NDST4: variants seen among roughly 807,000 people sequenced by gnomAD.
NDST4 encodes the protein N-heparan sulfate sulfotransferase 4.
NDST4 carries 63 observed loss-of-function variants against 100.8 expected under a neutral mutation model. The ratio of observed to expected loss-of-function variants is 0.62; its 90% confidence interval spans 0.51 to 0.77. The LOEUF is 0.77. Among genes scored for constraint, NDST4 ranks in the 30% least tolerant of loss-of-function variants. NDST4 has a pLI of 0.00. For synonymous variants in NDST4, 377 were observed against 361.8 expected (o/e 1.04, Z -0.48); for missense variants, 943 against 1,018.4 (o/e 0.93, Z 1.01).
chr4:114,928,259 T>G (rs1347342524), intron 6 of NDST4, among the ~76,000 whole-genome samples: 1 of 152,214 alleles, frequency 6.6e-6, no homozygotes, highest in South Asian at 2.1e-4. Context: ...TTCTGGTTAC[T>G]TCTTTCCTCA....
intron 6 of NDST4, among the ~76,000 whole-genome samples, chr4:114,917,031 A>G (rs922038797): frequency 1.3e-5 from 2 of 152,146 alleles, no homozygotes; most frequent in African/African-American, 2.4e-5. Flanking sequence ...AGTTGTTTCC[A>G]GGACTCCTTG....
intron 2 of NDST4, among the ~76,000 whole-genome samples, chr4:115,045,401 T>G (rs1431712802): frequency 6.6e-6 from 1 of 152,226 alleles, no homozygotes; most frequent in Non-Finnish European, 1.5e-5. Flanking sequence ...CTCCCATCCC[T>G]GCTCATTAGA....
At chr4:115,047,997 A>G (rs1728501244) in intron 2 of NDST4, among the ~76,000 whole-genome samples, 2 of 152,134 alleles carry the variant, frequency 1.3e-5, no homozygotes, top group South Asian at 2.1e-4. Flanking sequence ...TCGTTATTTG[A>G]TAAGTATGGA....
chr4:115,029,728 C>G (rs28488142), intron 2 of NDST4, among the ~76,000 whole-genome samples: 6,812 of 152,060 alleles, frequency 0.045, 537 homozygotes, highest in African/African-American at 0.16. Context: ...TTTGGAGGCA[C>G]AGTAAAGCAG....
chr4:115,047,489 T>A (rs964606094), intron 2 of NDST4, among the ~76,000 whole-genome samples: 9 of 152,164 alleles, frequency 5.9e-5, no homozygotes, highest in Admixed American at 5.9e-4. Flanking sequence ...TATATATTTA[T>A]CTTTTTATAA....
At chr4:114,960,701 A>T (rs1028181342) in intron 4 of NDST4, among the ~76,000 whole-genome samples, 1 of 152,222 alleles carries the variant, frequency 6.6e-6, no homozygotes. Flanking sequence ...TGCTATGACT[A>T]TAACAAGTGT....
chr4:114,867,398 C>T (rs1214038629), intron 7 of NDST4, among the ~76,000 whole-genome samples: 2 of 151,912 alleles, frequency 1.3e-5, no homozygotes, highest in Non-Finnish European at 2.9e-5. Flanking sequence ...CTTCTTTAAC[C>T]CTGGAGACGT....
chr4:114,941,720 G>T (rs1403308931), intron 4 of NDST4, among the ~76,000 whole-genome samples: 1 of 152,138 alleles, frequency 6.6e-6, no homozygotes, highest in African/African-American at 2.4e-5. Context: ...CTCAGAAATG[G>T]CAGCTCCCCC....
intron 1 of NDST4, among the ~76,000 whole-genome samples, chr4:115,086,319 C>A (rs1003580795): frequency 1.3e-5 from 2 of 151,948 alleles, no homozygotes; most frequent in Non-Finnish European, 2.9e-5. Context: ...AATAGAGGTA[C>A]AAAGTAATGA....
At chr4:115,043,488 C>T (rs565458531) in intron 2 of NDST4, among the ~76,000 whole-genome samples, 1 of 152,138 alleles carries the variant, frequency 6.6e-6, no homozygotes, top group Non-Finnish European at 1.5e-5. Context: ...TTGTAAGTCA[C>T]AGTTTTGCAG....
At chr4:115,052,681 C>A (rs1728609095) in intron 2 of NDST4, among the ~76,000 whole-genome samples, 1 of 152,126 alleles carries the variant, frequency 6.6e-6, no homozygotes, top group South Asian at 2.1e-4. Context: ...CCATGTGGAA[C>A]TGTGAGTCAA....
intron 6 of NDST4, among the ~76,000 whole-genome samples, chr4:114,933,149 C>T (rs957992502): frequency 2.0e-5 from 3 of 151,958 alleles, no homozygotes; most frequent in Non-Finnish European, 2.9e-5. Flanking sequence ...ACAAAGCAAA[C>T]GGTCCAGAAA....
intron 1 of NDST4, among the ~76,000 whole-genome samples, chr4:115,095,103 C>T (rs1729593977): frequency 6.6e-6 from 1 of 152,092 alleles, no homozygotes; most frequent in South Asian, 2.1e-4. Flanking sequence ...TCATTCAAAT[C>T]TTACAGCATG....
chr4:114,905,667 T>C (rs1221024748), intron 6 of NDST4, among the ~76,000 whole-genome samples: 1 of 151,936 alleles, frequency 6.6e-6, no homozygotes, highest in Non-Finnish European at 1.5e-5. Flanking sequence ...TTATTCACTA[T>C]TCAGTCAGTT....
At chr4:114,859,233 G>A (rs1009214431) in intron 7 of NDST4, among the ~76,000 whole-genome samples, 2 of 152,110 alleles carry the variant, frequency 1.3e-5, no homozygotes, top group African/African-American at 4.8e-5. Flanking sequence ...ACTTCCTCCA[G>A]TCCTAAGACT....
chr4:115,067,029 A>G (rs1345611386), intron 2 of NDST4, among the ~76,000 whole-genome samples: 1 of 152,106 alleles, frequency 6.6e-6, no homozygotes, highest in Admixed American at 6.5e-5. Context: ...GAGATTTGGT[A>G]CCCTCTCTCC....
intron 2 of NDST4, among the ~76,000 whole-genome samples, chr4:115,009,782 C>G (rs1377735620): frequency 7.7e-5 from 6 of 77,742 alleles, no homozygotes; most frequent in African/African-American, 1.7e-4. Context: ...TCACAACCTA[C>G]TCATCTGACA....
At chr4:115,079,953 C>T (rs1729267391) in intron 1 of NDST4, among the ~76,000 whole-genome samples, 1 of 152,038 alleles carries the variant, frequency 6.6e-6, no homozygotes, top group Non-Finnish European at 1.5e-5. Flanking sequence ...TAAAAATTTT[C>T]ATCAAATATT....
intron 4 of NDST4, among the ~76,000 whole-genome samples, chr4:114,949,363 T>C (rs573451269): frequency 2.0e-5 from 3 of 151,982 alleles, no homozygotes; most frequent in Admixed American, 6.6e-5. Context: ...TAGAGCATGA[T>C]GTCGGATAGG....
Sources: allele counts gnomAD v4.1 joint callset (sites outside exome capture counted in the v4.1 genomes callset), GRCh38; gene constraint gnomAD v4.1.1; transcripts MANE v1.5; gene names NCBI Gene and HGNC (gene_info 2026-07-23, HGNC 2026-07-21).